The following DUS2 variants were observed in gnomAD, a reference collection of about 807,000 sequenced individuals.
The protein encoded by DUS2 is dihydrouridine synthase 2, also known as tRNA-dihydrouridine(20) synthase [NAD(P)+]-like.
A neutral mutation model predicts 71.3 loss-of-function variants in DUS2; 52 were observed. That is an observed-to-expected ratio of 0.73 (90% CI 0.58 to 0.92). The LOEUF is 0.92. DUS2 is among the 40% of genes least tolerant of loss of function. The pLI, the probability that DUS2 is intolerant of heterozygous loss-of-function variation, is 0.00. For missense variants in DUS2, 558 were observed against 622.6 expected, an observed-to-expected ratio of 0.90 and a Z score of 1.10; for synonymous variants, 204 against 227.8, an observed-to-expected ratio of 0.90 and a Z score of 0.94.
At chr16:68,059,535 G>A (rs1406544538) in intron 7 of DUS2, among the ~76,000 whole-genome samples, 1 of 152,150 alleles carries the variant, frequency 6.6e-6, no homozygotes, top group Non-Finnish European at 1.5e-5. Flanking sequence ...TATGACCAAT[G>A]TAGTCCAGGC....
At chr16:68,069,150 A>G (rs113923609) in intron 10 of DUS2, among the ~76,000 whole-genome samples, 6,123 of 152,098 alleles carry the variant, frequency 0.04, 373 homozygotes, top group African/African-American at 0.13. Flanking sequence ...CCACTTTAGG[A>G]GGCCGAGGCG....
chr16:68,075,375 C>T lies in DUS2; in HGVS notation c.953C>T (p.Ala318Val). The change falls in exon 14 of 17, where the codon GCC (alanine) becomes GTC (valine). Residue 318 changes from alanine (A) to valine (V), a missense_variant. Transcript: ENST00000565263. ...CCTAGTGAGGCCTTTGGCCTTGGTG[C>T]CTTCTATGAGGAGACCACACAGGAG... is the stretch of plus-strand genomic sequence containing the variant. Reference protein sequence around the residue: ...REICEAFGLGAFYEETTQELD... With the variant: ...REICEAFGLGVFYEETTQELD... 1.2e-6 allele frequency: 2 copies of T among 1,609,622 alleles called. No individual in the cohort carries two copies. Among genetic ancestry groups the T allele is most frequent in the Non-Finnish European group, 8.5e-7 (1 of 1,177,744 alleles).
At position 68,078,929 on chromosome 16, in the gene DUS2, C is replaced by T. The variant is rs780741860; in HGVS notation, c.1425C>T (p.Cys475=). The T allele has an allele frequency of 1.2e-6, 2 of 1,604,596 alleles. No homozygotes were observed. Among genetic ancestry groups the T allele is most frequent in the South Asian group, 2.2e-5 (2 of 90,450 alleles). The stretch of plus-strand genomic sequence containing the variant: ...AGCTAGCACAACCTGGGGATCTGTG[C>T]AAGAAGCCCTTTGTGGCCTTGGGAA... ...AQELAQPGDL[C]KKPFVALGSG... is the part of the protein sequence containing the mutation. Residue 475 remains cysteine, a synonymous_variant, in exon 17 of 17, where the codon TGC becomes TGT. Coordinates refer to ENST00000565263, the MANE Select transcript of DUS2 (RefSeq NM_017803.5).
At chr16:68,060,900 A>G (rs893224581) in intron 7 of DUS2, among the ~76,000 whole-genome samples, 166 bp from the exon 8 acceptor site, 4 of 152,144 alleles carry the variant, frequency 2.6e-5, no homozygotes, top group African/African-American at 9.7e-5. Context: ...TTATGGGCAC[A>G]GATACTGCTG....
intron 2 of DUS2, among the ~76,000 whole-genome samples, chr16:68,025,828 A>G (rs1174256323): frequency 6.6e-6 from 1 of 152,152 alleles, no homozygotes; most frequent in Non-Finnish European, 1.5e-5. Flanking sequence ...TGAGATCAGG[A>G]GCTTGGTGTG....
chr16:68,028,195 T>C (rs553457620), intron 2 of DUS2, among the ~76,000 whole-genome samples: 32 of 152,138 alleles, frequency 2.1e-4, no homozygotes, highest in Non-Finnish European at 4.0e-4. Flanking sequence ...GAGACTGTTG[T>C]CATGGTTCAG....
chr16:68,034,343 A>C (rs886088094), intron 2 of DUS2, among the ~76,000 whole-genome samples: 4 of 152,096 alleles, frequency 2.6e-5, no homozygotes, highest in African/African-American at 9.7e-5. Context: ...TGGCCTCCTT[A>C]GTGCTAAGAT....
chr16:68,052,443 G>T (rs935187858), intron 4 of DUS2, among the ~76,000 whole-genome samples: 1 of 152,106 alleles, frequency 6.6e-6, no homozygotes, highest in Non-Finnish European at 1.5e-5. Flanking sequence ...TGATTTTGGG[G>T]TCACAAATAA....
At chr16:68,036,596 C>A (rs2033532746) in intron 2 of DUS2, among the ~76,000 whole-genome samples, 1 of 151,994 alleles carries the variant, frequency 6.6e-6, no homozygotes, top group African/African-American at 2.4e-5. Context: ...AGCCACAGTG[C>A]CCAGCCTAAT....
intron 4 of DUS2, among the ~76,000 whole-genome samples, chr16:68,051,568 T>C (rs1462535752): frequency 1.3e-5 from 2 of 151,930 alleles, no homozygotes; most frequent in Admixed American, 1.3e-4. Context: ...TTTTTAAATT[T>C]TTTGTAGAGA....
At chr16:68,059,688 C>G (rs887358968) in intron 7 of DUS2, among the ~76,000 whole-genome samples, 1 of 152,200 alleles carries the variant, frequency 6.6e-6, no homozygotes, top group African/African-American at 2.4e-5. Context: ...CTTACACCTT[C>G]TGAGCACATT....
chr16:68,049,689 A>AT, intron 4 of DUS2, 139 bp downstream of exon 4: 2 of 785,236 alleles, frequency 2.5e-6, no homozygotes, highest in Non-Finnish European at 4.3e-6. Flanking sequence ...CCTTGAGAGC[A>AT]GTCACTGATC....
At chr16:68,037,353 G>T (rs1415325395) in intron 2 of DUS2, among the ~76,000 whole-genome samples, 1 of 151,918 alleles carries the variant, frequency 6.6e-6, no homozygotes, top group African/African-American at 2.4e-5. Flanking sequence ...AGAGGCTAAG[G>T]TGGGCAGATC....
chr16:68,060,383 G>T (rs1438912772), intron 7 of DUS2, among the ~76,000 whole-genome samples: 1 of 151,996 alleles, frequency 6.6e-6, no homozygotes, highest in African/African-American at 2.4e-5. Context: ...GTGCAATCTC[G>T]GCTCACTGCA....
At chr16:68,060,338 G>C (rs1296502668) in intron 7 of DUS2, among the ~76,000 whole-genome samples, 1 of 152,088 alleles carries the variant, frequency 6.6e-6, no homozygotes, top group Non-Finnish European at 1.5e-5. Flanking sequence ...GTTTGAGATG[G>C]AGTCTTGCCC....
At chr16:68,061,200 A>T in intron 8 of DUS2, 87 bp downstream of exon 8, 1 of 1,362,960 alleles carries the variant, frequency 7.3e-7, no homozygotes, top group Non-Finnish European at 1.0e-6. Context: ...CCAATACCAG[A>T]TTTACTGATG....
chr16:68,070,986 T>G lies in DUS2; in HGVS notation c.688T>G (p.Phe230Val), dbSNP rs2034076878. 6 of 1,614,102 alleles carry G rather than the reference T, an allele frequency of 3.7e-6. No individual in the cohort carries two copies. In the South Asian group the frequency reaches 6.6e-5, roughly 18 times the overall value. Residue 230 changes from phenylalanine (F) to valine (V), a missense_variant, in exon 12 of 17, where the codon TTT (phenylalanine) becomes GTT (valine). By Grantham distance (50) the Phe-to-Val change is conservative. Coordinates refer to ENST00000565263, the MANE Select transcript of DUS2 (RefSeq NM_017803.5). ...HIQQYSDIED[F>V]RQATAASSVM... ...CCAACAGTATTCGGACATAGAGGACTTTCGACAAGCCACGGCAGCCTCTTC... is the reference window on the plus strand; with the variant it reads ...CCAACAGTATTCGGACATAGAGGACGTTCGACAAGCCACGGCAGCCTCTTC...
In DUS2 at chr16:68,066,601, G is replaced by T; in HGVS notation, c.519G>T (p.Glu173Asp). The change falls in exon 10 of 17, where the codon GAG becomes GAT. Residue 173 changes from glutamate to aspartate, a missense_variant. Transcript: ENST00000565263. ...EDTLSLVKRI[E>D]RTGIAAIAVH... ...CCCTGAGCCTTGTGAAGCGGATAGA[G>T]AGGACTGGCATTGCTGCCATCGCAG... 6.2e-7 allele frequency: 1 copy of T among 1,614,228 alleles called. No homozygotes were observed. Among genetic ancestry groups the T allele is most frequent in the Non-Finnish European group, 8.5e-7 (1 of 1,180,026 alleles).
At chr16:68,069,891 C>G (rs535303014) in intron 10 of DUS2, among the ~76,000 whole-genome samples, 1 of 152,288 alleles carries the variant, frequency 6.6e-6, no homozygotes, top group East Asian at 1.9e-4. Context: ...GCCAGGCCTC[C>G]CCTGCAGGCC....
Sources: gnomAD v4.1 joint callset for allele counts (sites outside exome capture counted in the v4.1 genomes callset) on GRCh38, gnomAD v4.1.1 for gene constraint, MANE v1.5 for transcripts, NCBI Gene and HGNC (gene_info 2026-07-23, HGNC 2026-07-21) for gene names.